Variants in VEZT observed in about 807,000 individuals in gnomAD.
The protein encoded by VEZT is vezatin.
A neutral mutation model predicts 79.9 loss-of-function variants in VEZT; 39 were observed. The observed-to-expected ratio is 0.49, with a 90% CI of 0.38 to 0.64. The LOEUF (loss-of-function observed/expected upper bound fraction) is 0.64. VEZT is among the 30% of genes least tolerant of loss of function. The pLI is 0.00. For missense variants in VEZT, 837 were observed against 893.1 expected (o/e 0.94, Z 0.80); for synonymous variants, 325 against 327.6 (o/e 0.99, Z 0.09).
intron 4 of VEZT, 132 bp downstream of exon 4, chr12:95,263,213 ATGGGGGG>A: frequency 2.3e-6 from 2 of 882,878 alleles, no homozygotes; most frequent in Non-Finnish European, 3.2e-6. Flanking sequence ...AAGTAACAAT[ATGGGGGG>A]AAAAAGTGCC....
chr12:95,255,761 T>G (rs947067269), intron 2 of VEZT, among the ~76,000 whole-genome samples: 2 of 152,124 alleles, frequency 1.3e-5, no homozygotes, highest in African/African-American at 4.8e-5. Flanking sequence ...GCTTCTTGTC[T>G]ACAATCATAC....
intron 1 of VEZT, among the ~76,000 whole-genome samples, chr12:95,235,530 CCGGG>C (rs1483995816): frequency 7.9e-5 from 11 of 139,656 alleles, no homozygotes; most frequent in African/African-American, 2.2e-4. Context: ...GGGCAGCTGG[CCGGG>C]CGGGGGGCTG....
At chr12:95,280,076 G>T (rs1009418463) in intron 7 of VEZT, among the ~76,000 whole-genome samples, 5 of 152,114 alleles carry the variant, frequency 3.3e-5, no homozygotes, top group Non-Finnish European at 5.9e-5. Context: ...AACCACCGTG[G>T]TCTCATTAAT....
intron 1 of VEZT, among the ~76,000 whole-genome samples, chr12:95,250,318 T>G (rs1434795746): frequency 2.1e-5 from 3 of 140,110 alleles, no homozygotes; most frequent in African/African-American, 8.0e-5. Context: ...TTTTTTTTTT[T>G]GTGAGACAAA....
At chr12:95,282,225 C>T (rs2069341054) in intron 7 of VEZT, 88 bp from the exon 8 acceptor site, 26 of 1,244,746 alleles carry the variant, frequency 2.1e-5, no homozygotes, top group Non-Finnish European at 2.7e-5. Context: ...AAATTTAAAC[C>T]AGAAGTTAAG....
chr12:95,275,718 A>G (rs1238694849), intron 7 of VEZT: 1 of 151,976 alleles, frequency 6.6e-6, no homozygotes, highest in Non-Finnish European at 1.5e-5. Flanking sequence ...TCTAAGATCT[A>G]TAGAAGATAA....
chr12:95,232,714 A>C (rs1210331915), intron 1 of VEZT, among the ~76,000 whole-genome samples: 1 of 152,222 alleles, frequency 6.6e-6, no homozygotes, highest in Non-Finnish European at 1.5e-5. Flanking sequence ...TTTAGATATC[A>C]TACTGACATT....
At chr12:95,244,590 C>CTTT (rs370661900) in intron 1 of VEZT, among the ~76,000 whole-genome samples, 2 of 144,184 alleles carry the variant, frequency 1.4e-5, no homozygotes, top group African/African-American at 2.5e-5. Flanking sequence ...CCTCTTGCCT[C>CTTT]TTTTTTTTTT....
At chr12:95,243,398 C>T (rs1392913299) in intron 1 of VEZT, among the ~76,000 whole-genome samples, 1 of 150,086 alleles carries the variant, frequency 6.7e-6, no homozygotes, top group Non-Finnish European at 1.5e-5. Flanking sequence ...TTACCCATCA[C>T]TCAGCTTCAG....
At chr12:95,288,752 A>G (rs2071681001) in intron 9 of VEZT, among the ~76,000 whole-genome samples, 1 of 152,212 alleles carries the variant, frequency 6.6e-6, no homozygotes, top group African/African-American at 2.4e-5. Flanking sequence ...GGTTTTCTTA[A>G]TATCTCAAAT....
rs34968028 is a variant in VEZT at position 95,254,339 on chromosome 12, C to CTTT, written c.168+2291_168+2293dup. On this transcript the variant is annotated intron_variant, in intron 2 of 11. Transcript: ENST00000436874. ...ATCTATATTTTTCTAAAACGAAGTT[C>CTTT]TTTTTTTTTTTTTTTTTTTTTTTTT... Among the ~76,000 whole-genome samples, 592 of 69,470 alleles carry CTTT rather than the reference C, an allele frequency of 8.5e-3. 9 individuals are homozygous for CTTT. The highest frequency in any genetic ancestry group is 0.017 in the East Asian group (33 of 1,988). The allele number at this position is 69,470 out of a possible 152,430, so 45.6% of individuals were successfully genotyped here.
chr12:95,286,484 G>A (rs2070915750), intron 8 of VEZT: 2 of 552,488 alleles, frequency 3.6e-6, no homozygotes, highest in East Asian at 4.9e-5. Context: ...ATTCTTTCAG[G>A]ATCAAGACCT....
At chr12:95,286,625 T>C (rs2070954234) in intron 8 of VEZT, 1 of 437,194 alleles carries the variant, frequency 2.3e-6, no homozygotes, top group South Asian at 1.9e-5. Flanking sequence ...AAGAAATGCT[T>C]CAATTAACTC....
intron 9 of VEZT, 130 bp downstream of exon 9, chr12:95,287,987 T>TA (rs2071429895): frequency 2.7e-6 from 2 of 728,782 alleles, no homozygotes; most frequent in African/African-American, 3.6e-5. Flanking sequence ...TACTTTTTTT[T>TA]AATGTTGAAT....
chr12:95,223,625 A>G (rs1298171306), intron 1 of VEZT, among the ~76,000 whole-genome samples: 3 of 151,910 alleles, frequency 2.0e-5, no homozygotes, highest in Non-Finnish European at 4.4e-5. Flanking sequence ...TAATTTTTGT[A>G]TTTCTAGTAG....
intron 10 of VEZT, among the ~76,000 whole-genome samples, chr12:95,295,813 G>A (rs1000301748): frequency 6.6e-6 from 1 of 152,170 alleles, no homozygotes; most frequent in African/African-American, 2.4e-5. Context: ...TACTGAAGTT[G>A]TTAAACTTTT....
chr12:95,223,886 G>A (rs2058008309), intron 1 of VEZT, among the ~76,000 whole-genome samples: 1 of 151,694 alleles, frequency 6.6e-6, no homozygotes, highest in South Asian at 2.1e-4. Context: ...TGCTATTTTT[G>A]TTCTGTTTTT....
intron 4 of VEZT, among the ~76,000 whole-genome samples, chr12:95,265,522 TA>T (rs1484520759): frequency 6.6e-6 from 1 of 151,414 alleles, no homozygotes; most frequent in Non-Finnish European, 1.5e-5. Context: ...TTTTTACTTT[TA>T]AATCTATAAA....
intron 8 of VEZT, among the ~76,000 whole-genome samples, chr12:95,285,182 AC>A (rs932793001): frequency 8.6e-5 from 13 of 151,934 alleles, no homozygotes; most frequent in African/African-American, 3.1e-4. Flanking sequence ...AATGGCTAAC[AC>A]CTGTAATCCT....
Sources: gnomAD v4.1 joint callset for allele counts (sites outside exome capture counted in the v4.1 genomes callset) on GRCh38, gnomAD v4.1.1 for gene constraint, MANE v1.5 for transcripts, NCBI Gene and HGNC (gene_info 2026-07-23, HGNC 2026-07-21) for gene names.